HS1BP3: variants seen among roughly 807,000 people sequenced by gnomAD.
The protein encoded by HS1BP3 is HCLS1 binding protein 3.
HS1BP3 carries 32 observed loss-of-function variants against 33.5 expected under a neutral mutation model. That is an observed-to-expected ratio of 0.95 (90% CI 0.72 to 1.28). The LOEUF is 1.28. Among genes scored for constraint, HS1BP3 ranks in the 50% most tolerant of loss-of-function variants. The pLI, the probability that HS1BP3 is intolerant of heterozygous loss-of-function variation, is 0.00. For missense variants in HS1BP3, 486 were observed against 502.3 expected, an observed-to-expected ratio of 0.97 and a Z score of 0.31; for synonymous variants, 187 against 209.2, an observed-to-expected ratio of 0.89 and a Z score of 0.92.
intron 1 of HS1BP3, among the ~76,000 whole-genome samples, chr2:20,646,248 C>T (rs764675107): frequency 3.3e-5 from 5 of 152,192 alleles, no homozygotes; most frequent in Non-Finnish European, 5.9e-5. Flanking sequence ...GACTAACATC[C>T]CTCACGCAAA....
chr2:20,630,215 C>T (rs915937307), intron 4 of HS1BP3, among the ~76,000 whole-genome samples: 4 of 152,192 alleles, frequency 2.6e-5, no homozygotes, highest in African/African-American at 9.7e-5. Context: ...TAAACTAATG[C>T]ACTTTTCATA....
chr2:20,573,603 C>A (rs1312402628), intron 5 of HS1BP3, among the ~76,000 whole-genome samples: 1 of 152,204 alleles, frequency 6.6e-6, no homozygotes, highest in Admixed American at 6.5e-5. Context: ...GCCTCCCGGG[C>A]CTTTGCTTCC....
At chr2:20,587,143 GTAAAA>G (rs1693700690) in intron 5 of HS1BP3, among the ~76,000 whole-genome samples, 1 of 152,226 alleles carries the variant, frequency 6.6e-6, no homozygotes, top group Admixed American at 6.5e-5. Flanking sequence ...GTATTGAATA[GTAAAA>G]CATGGAAGCC....
At chr2:20,626,737 GC>G (rs1174851777) in intron 4 of HS1BP3, among the ~76,000 whole-genome samples, 1 of 152,108 alleles carries the variant, frequency 6.6e-6, no homozygotes, top group Non-Finnish European at 1.5e-5. Context: ...CCACCCTCAG[GC>G]CCTGCTTGTG....
At chr2:20,557,488 C>A (rs1692868332), downstream of HS1BP3, among the ~76,000 whole-genome samples, 1 of 152,204 alleles carries the variant, frequency 6.6e-6, no homozygotes, top group African/African-American at 2.4e-5. Context: ...ATCCTCTTCC[C>A]ATTTTCCAAC....
At chr2:20,555,654 C>G (rs1171696837), downstream of HS1BP3, among the ~76,000 whole-genome samples, 1 of 152,070 alleles carries the variant, frequency 6.6e-6, no homozygotes, top group East Asian at 1.9e-4. Context: ...CTCCCCACCC[C>G]CCTGCCTCTT....
At chr2:20,567,413 T>C (rs1693156025) in intron 5 of HS1BP3, among the ~76,000 whole-genome samples, 1 of 152,134 alleles carries the variant, frequency 6.6e-6, no homozygotes, top group Non-Finnish European at 1.5e-5. Context: ...AGGGGCTCTG[T>C]GCTTGCAGGG....
intron 5 of HS1BP3, 32 bp downstream of exon 5, chr2:20,624,700 A>G: frequency 1.3e-6 from 2 of 1,548,080 alleles, no homozygotes; most frequent in Non-Finnish European, 8.7e-7. Context: ...CACCGAGAGG[A>G]CACCAGGAGC....
intron 6 of HS1BP3, chr2:20,622,062 G>T: frequency 3.3e-6 from 2 of 600,030 alleles, no homozygotes; most frequent in Non-Finnish European, 4.9e-6. Context: ...CCCTGGTGTG[G>T]CTGCACAGCC....
At chr2:20,606,765 T>G (rs921602) in intron 2 of HS1BP3, 183,015 of 197,722 alleles carry the variant, frequency 0.93, 85,273 homozygotes, top group Non-Finnish European at 0.97. Context: ...TTTCTTTGAA[T>G]AAATGCCTAT....
exon 3 of HS1BP3, chr2:20,598,248 G>A (rs933673405): frequency 4.6e-5 from 18 of 388,086 alleles, no homozygotes; most frequent in Admixed American, 2.9e-4. Context: ...TTGTTTGCCT[G>A]CAACTAGATG....
intron 4 of HS1BP3, among the ~76,000 whole-genome samples, chr2:20,634,158 C>G (rs1243291035): frequency 6.6e-6 from 1 of 152,276 alleles, no homozygotes; most frequent in Non-Finnish European, 1.5e-5. Flanking sequence ...GAAGTGCCTT[C>G]TGGACACGCC....
At chr2:20,565,589 C>G (rs770986394) in intron 5 of HS1BP3, among the ~76,000 whole-genome samples, 1 of 152,254 alleles carries the variant, frequency 6.6e-6, no homozygotes, top group African/African-American at 2.4e-5. Context: ...GTGGTGGGGA[C>G]AGCCCCTCCC....
At chr2:20,632,469 AG>A (rs1694998601) in intron 4 of HS1BP3, among the ~76,000 whole-genome samples, 1 of 152,218 alleles carries the variant, frequency 6.6e-6, no homozygotes, top group South Asian at 2.1e-4. Flanking sequence ...CTGGGGAAAA[AG>A]GGAAAAGTCC....
chr2:20,566,352 A>G (rs921701892), intron 5 of HS1BP3, among the ~76,000 whole-genome samples: 2 of 152,188 alleles, frequency 1.3e-5, no homozygotes, highest in African/African-American at 4.8e-5. Flanking sequence ...GATCTGTAGT[A>G]TGTGGGTCCG....
chr2:20,619,033 A>G lies in HS1BP3; in HGVS notation c.1133T>C (p.Ile378Thr), dbSNP rs1363429794. 4.3e-6 allele frequency: 7 copies of G among 1,613,978 alleles called. No homozygotes were observed. Among genetic ancestry groups the G allele is most frequent in the African/African-American group, 1.3e-5 (1 of 74,898 alleles). ...AMDEMDILQY[I>T]QDHDTPAQAA... The stretch of plus-strand genomic sequence containing the variant: ...CTGGGCTGGTGTATCGTGGTCCTGG[A>G]TGTACTGCAAGATGTCCATCTCGTC... Residue 378 changes from isoleucine (I) to threonine (T), a missense_variant, in exon 7 of 7, where the codon ATC becomes ACC. Transcript: ENST00000304031.
In HS1BP3 at chr2:20,611,118, T is replaced by G. The variant is rs1694310352; in HGVS notation, c.178+12778A>C. On this transcript the variant is annotated intron_variant, in intron 2 of 3. Transcript: ENST00000415264. The surrounding 1 kb of genome is among the most constrained non-coding windows in gnomAD (Gnocchi z 4.9). ...TTTGTGATATCCATTGTGGTATGTC[T>G]GTTAGAGGGTTTTTCCTTTTTGACG... 6.6e-6 allele frequency among the ~76,000 whole-genome samples: 1 copy of G among 152,264 alleles called. No homozygotes were observed. The highest frequency in any genetic ancestry group is 1.5e-5 in the Non-Finnish European group (1 of 68,042).
intron 6 of HS1BP3, chr2:20,623,326 C>G (rs987620638): frequency 2.6e-5 from 4 of 152,282 alleles, no homozygotes; most frequent in African/African-American, 7.2e-5. Context: ...CATAAGAGAG[C>G]GTGTAAGGAG....
At chr2:20,584,630 G>C (rs1017879799) in intron 5 of HS1BP3, among the ~76,000 whole-genome samples, 2 of 152,056 alleles carry the variant, frequency 1.3e-5, no homozygotes, top group African/African-American at 4.8e-5. Flanking sequence ...CTGATCCAGG[G>C]CTTCTTGGTT....
Sources: allele counts gnomAD v4.1 joint callset (sites outside exome capture counted in the v4.1 genomes callset), GRCh38; gene constraint gnomAD v4.1.1; non-coding constraint Gnocchi (gnomAD v3.1); transcripts MANE v1.5; gene names NCBI Gene and HGNC (gene_info 2026-07-23, HGNC 2026-07-21).